Variants in CELSR1 observed in about 807,000 individuals in gnomAD.
CELSR1 encodes cadherin EGF LAG seven-pass G-type receptor 1.
In CELSR1, 110 loss-of-function variants were observed where a neutral mutation model predicts 249.1. The ratio of observed to expected loss-of-function variants is 0.44; its 90% confidence interval spans 0.38 to 0.52. The LOEUF (loss-of-function observed/expected upper bound fraction) is 0.52, where lower values mean the gene tolerates loss of function less well. Among genes scored for constraint, CELSR1 ranks in the 20% least tolerant of loss-of-function variants. CELSR1 has a pLI of 0.00. For synonymous variants in CELSR1, 2,113 were observed against 1,900.0 expected (o/e 1.11, Z -2.92); for missense variants, 4,109 against 4,296.4 (o/e 0.96, Z 1.22).
In CELSR1 at chr22:46,395,880, G is replaced by C. The variant is rs2079142513; in HGVS notation, c.5843+725C>G. On this transcript the variant is annotated intron_variant, in intron 13 of 34. Coordinates refer to ENST00000674500, the MANE Select transcript of CELSR1 (RefSeq NM_001378328.1). The surrounding 1 kb of genome is among the most constrained non-coding windows in gnomAD (Gnocchi z 5.5). Reference sequence around the variant, plus strand: ...CCCCGTGCAAAGGGTACAGAGCCCAGAGCCCAGAGAGCACGCTGCTGCCTG... The same window carrying C: ...CCCCGTGCAAAGGGTACAGAGCCCACAGCCCAGAGAGCACGCTGCTGCCTG... 1.3e-5 allele frequency among the ~76,000 whole-genome samples: 2 copies of C among 152,300 alleles called. No individual in the cohort carries two copies. The highest frequency in any genetic ancestry group is 4.1e-4 in the South Asian group (2 of 4,824).
chr22:46,378,111 A>G (rs911537122), intron 23 of CELSR1, among the ~76,000 whole-genome samples: 3 of 152,236 alleles, frequency 2.0e-5, no homozygotes, highest in Non-Finnish European at 2.9e-5. Flanking sequence ...GCCGCTTAAA[A>G]TGCCAGAGGT....
chr22:46,388,382 A>G (rs113937889), intron 18 of CELSR1, among the ~76,000 whole-genome samples: 2,899 of 152,106 alleles, frequency 0.019, 91 homozygotes, highest in African/African-American at 0.066. Flanking sequence ...AAGAAACCAG[A>G]AAGGAAACTT....
At chr22:46,377,012 G>A in intron 24 of CELSR1, 49 bp downstream of exon 24, 2 of 1,588,322 alleles carry the variant, frequency 1.3e-6, no homozygotes, top group East Asian at 4.5e-5. Context: ...TATGGTAGCT[G>A]CTCCAAGCTG....
intron 22 of CELSR1, among the ~76,000 whole-genome samples, 180 bp from the exon 23 acceptor site, chr22:46,378,897 C>T (rs2078948015): frequency 6.6e-6 from 1 of 152,162 alleles, no homozygotes; most frequent in Non-Finnish European, 1.5e-5. Flanking sequence ...GTGTTCCTCA[C>T]CAGCCCCCTA....
At chr22:46,507,952 G>T (rs1412853020) in intron 1 of CELSR1, among the ~76,000 whole-genome samples, 5 of 152,154 alleles carry the variant, frequency 3.3e-5, no homozygotes, top group Admixed American at 2.6e-4. Context: ...CCACCCATCT[G>T]GCTGTTCCCA....
chr22:46,385,273 T>C (rs1162318080), intron 19 of CELSR1, among the ~76,000 whole-genome samples: 1 of 152,168 alleles, frequency 6.6e-6, no homozygotes, highest in Non-Finnish European at 1.5e-5. Flanking sequence ...TTATTTTTTA[T>C]TTTTAATAGA....
rs1490552538 is a variant in CELSR1, at chr22:46,401,450, G to C, written c.5227-1548C>G. On this transcript the variant is annotated intron_variant, in intron 9 of 34. Coordinates refer to ENST00000674500, the MANE Select transcript of CELSR1 (RefSeq NM_001378328.1). This position sits in a 1 kb window ranked among gnomAD's most constrained non-coding sequence, Gnocchi z 4.7. ...CAGGCTCACAACCAAGGAAAAGACA[G>C]AATCTGCAAAACAGCGTGGCGTGTG... Among the ~76,000 whole-genome samples the C allele has an allele frequency of 6.6e-6, 1 of 152,214 alleles. No homozygotes were observed. Among genetic ancestry groups the C allele is most frequent in the Non-Finnish European group, 1.5e-5 (1 of 68,040 alleles).
intron 1 of CELSR1, among the ~76,000 whole-genome samples, chr22:46,466,553 G>A (rs779830732): frequency 5.9e-5 from 9 of 152,286 alleles, no homozygotes; most frequent in Middle Eastern, 6.8e-3. Flanking sequence ...GGGAGGACCC[G>A]GACACCACAG....
chr22:46,379,298 T>C (rs2017222), intron 22 of CELSR1, among the ~76,000 whole-genome samples: 143,484 of 152,314 alleles, frequency 0.94, 67,687 homozygotes, highest in East Asian at 1. Flanking sequence ...CAAGGTGTTA[T>C]AAGGTGTGTC....
In CELSR1 at chr22:46,363,701, C is replaced by A; in HGVS notation, c.9035+295G>T. 1 of 461,290 alleles carries A rather than the reference C, an allele frequency of 2.2e-6. No individual in the cohort carries two copies. The highest frequency in any genetic ancestry group is 3.8e-6 in the Non-Finnish European group (1 of 260,398). 28.6% of individuals were successfully genotyped at this position (461,290 alleles called of 1,614,324 possible). On this transcript the variant is annotated intron_variant, in intron 34 of 34. Transcript: ENST00000674500. This position sits in a 1 kb window ranked among gnomAD's most constrained non-coding sequence, Gnocchi z 4.3. ...GCAGTGGTCCCAGGCGGAGACAATG[C>A]TGATCAAACGCAGAGCCCAGCACCT...
rs746469321 is a variant in CELSR1 at position 46,378,672 on chromosome 22, C to T, written c.7302G>A (p.Leu2434=). 6.2e-7 allele frequency: 1 copy of T among 1,611,594 alleles called. No individual in the cohort carries two copies. Among genetic ancestry groups the T allele is most frequent in the Non-Finnish European group, 8.5e-7 (1 of 1,179,590 alleles). The change falls in exon 23 of 35, where the codon CTG becomes CTA. Residue 2434 remains leucine, a synonymous_variant. Coordinates refer to ENST00000674500, the MANE Select transcript of CELSR1 (RefSeq NM_001378328.1). Reference sequence around the variant, plus strand: ...AGGCGACATGTGTCCGGTTCCTGGACAGGAGCTCGCAGCCCCGGGCAGACC... The same window carrying T: ...AGGCGACATGTGTCCGGTTCCTGGATAGGAGCTCGCAGCCCCGGGCAGACC... ...GGWSARGCEL[L]SRNRTHVACQ...
At chr22:46,465,759 A>G (rs547413517) in intron 1 of CELSR1, among the ~76,000 whole-genome samples, 122 of 152,378 alleles carry the variant, frequency 8.0e-4, no homozygotes, top group African/African-American at 2.9e-3. Flanking sequence ...GTGCAGGTGC[A>G]GTGGACCCAA....
intron 5 of CELSR1, among the ~76,000 whole-genome samples, chr22:46,425,018 T>C (rs1204722268): frequency 2.6e-5 from 4 of 152,194 alleles, no homozygotes; most frequent in African/African-American, 7.2e-5. Context: ...CGGAATCACA[T>C]AGTATGGTCC....
intron 1 of CELSR1, among the ~76,000 whole-genome samples, chr22:46,513,904 T>G (rs1017103510): frequency 2.7e-5 from 4 of 149,274 alleles, no homozygotes; most frequent in African/African-American, 9.9e-5. Context: ...GCCATTCTCC[T>G]GCCTCAGCCC....
Position 46,423,737 on chromosome 22 carries a change from T to C in CELSR1, c.4611+9656A>G, listed in dbSNP as rs150060256. Among the ~76,000 whole-genome samples, 4,617 of 151,928 alleles carry C rather than the reference T, an allele frequency of 0.03. 188 individuals are homozygous for C. Among genetic ancestry groups the C allele is most frequent in the African/African-American group, 0.1 (4,155 of 41,406 alleles). ...CCTATAATCCAGCACTTTGGGAGGC[T>C]GAGGCAGTTGGATCACCTGAGGTCA... On this transcript the variant is annotated intron_variant, in intron 5 of 34. Transcript: ENST00000674500. The surrounding 1 kb of genome is among the most constrained non-coding windows in gnomAD (Gnocchi z 5.6).
rs1462202924 is a variant in CELSR1, at chr22:46,412,676, A to G, written c.4612-917T>C. Among the ~76,000 whole-genome samples the G allele has an allele frequency of 6.6e-6, 1 of 152,118 alleles. No individual in the cohort carries two copies. Among genetic ancestry groups the G allele is most frequent in the African/African-American group, 2.4e-5 (1 of 41,420 alleles). On this transcript the variant is annotated intron_variant, in intron 5 of 34. Coordinates refer to ENST00000674500, the MANE Select transcript of CELSR1 (RefSeq NM_001378328.1). This position sits in a 1 kb window ranked among gnomAD's most constrained non-coding sequence, Gnocchi z 4.5. ...GCTCCTGGTCAGTCCCTCCCAGGACACGAAGCATATCCACCCAGCCAGCCT... is the reference window on the plus strand; with the variant it reads ...GCTCCTGGTCAGTCCCTCCCAGGACGCGAAGCATATCCACCCAGCCAGCCT...
In CELSR1 at chr22:46,463,964, C is replaced by T. The variant is rs767985515; in HGVS notation, c.3926G>A (p.Arg1309His). The T allele has an allele frequency of 6.6e-5, 106 of 1,613,880 alleles. No homozygotes were observed. Among genetic ancestry groups the T allele is most frequent in the Non-Finnish European group, 8.5e-5 (100 of 1,180,044 alleles). ...CTTCATGTAGTTCTCGCAGGGCTCG[C>T]GCAGGCAGATGTTGTCGTCGAAGGG... Reference protein sequence around the residue: ...VLPFDDNICLREPCENYMKCV... With the variant: ...VLPFDDNICLHEPCENYMKCV... The change falls in exon 2 of 35, where the codon CGC becomes CAC. Residue 1309 changes from arginine (R) to histidine (H), a missense_variant. Arg to His is a conservative substitution (Grantham distance 29). Coordinates refer to ENST00000674500, the MANE Select transcript of CELSR1 (RefSeq NM_001378328.1).
At chr22:46,469,666 C>T (rs1392844648) in intron 1 of CELSR1, among the ~76,000 whole-genome samples, 1 of 151,818 alleles carries the variant, frequency 6.6e-6, no homozygotes, top group African/African-American at 2.4e-5. Context: ...CAGACGTACA[C>T]CACCACGCCT....
At chr22:46,455,448 T>C (rs1259558914) in intron 2 of CELSR1, among the ~76,000 whole-genome samples, 1 of 152,182 alleles carries the variant, frequency 6.6e-6, no homozygotes, top group Non-Finnish European at 1.5e-5. Context: ...CAGGCTAGTC[T>C]TGAACTCCTG....
Sources: allele counts gnomAD v4.1 joint callset (sites outside exome capture counted in the v4.1 genomes callset), GRCh38; gene constraint gnomAD v4.1.1; non-coding constraint Gnocchi (gnomAD v3.1); transcripts MANE v1.5; gene names NCBI Gene and HGNC (gene_info 2026-07-23, HGNC 2026-07-21).